Variants in PALM2AKAP2 observed in about 807,000 individuals in gnomAD.
The protein encoded by PALM2AKAP2 is PALM2-AKAP2 fusion protein.
A neutral mutation model predicts 71.5 loss-of-function variants in PALM2AKAP2; 37 were observed. That is an observed-to-expected ratio of 0.52 (90% CI 0.40 to 0.68). The LOEUF (loss-of-function observed/expected upper bound fraction) is 0.68, where lower values mean the gene tolerates loss of function less well. Among genes scored for constraint, PALM2AKAP2 ranks in the 30% least tolerant of loss-of-function variants. The pLI, the probability that PALM2AKAP2 is intolerant of heterozygous loss-of-function variation, is 0.00. For synonymous variants in PALM2AKAP2, 468 were observed against 478.8 expected, an observed-to-expected ratio of 0.98 and a Z score of 0.29; for missense variants, 1,224 against 1,191.8, an observed-to-expected ratio of 1.03 and a Z score of -0.40.
chr9:109,655,535 C>G (rs975313887), intron 1 of PALM2AKAP2, among the ~76,000 whole-genome samples: 1 of 152,066 alleles, frequency 6.6e-6, no homozygotes, highest in Admixed American at 6.6e-5. Context: ...GCAATCATCA[C>G]CATTTCCAGA....
At chr9:109,797,594 A>G (rs10739284) in intron 1 of PALM2AKAP2, among the ~76,000 whole-genome samples, 27,240 of 152,210 alleles carry the variant, frequency 0.18, 2,847 homozygotes, top group East Asian at 0.34. Context: ...CACCCACCAC[A>G]TGCACCAGCT....
intron 1 of PALM2AKAP2, among the ~76,000 whole-genome samples, chr9:109,669,521 A>G (rs1381008226): frequency 6.6e-6 from 1 of 151,920 alleles, no homozygotes; most frequent in African/African-American, 2.4e-5. Context: ...TTGAAGTGCT[A>G]TTGTTTCTTC....
intron 1 of PALM2AKAP2, among the ~76,000 whole-genome samples, chr9:109,813,726 A>G (rs1827782318): frequency 6.6e-6 from 1 of 152,162 alleles, no homozygotes; most frequent in African/African-American, 2.4e-5. Flanking sequence ...ACTTCTCAAG[A>G]AGCCCATAAC....
chr9:110,159,728 T>C (rs1836549181), intron 3 of PALM2AKAP2, among the ~76,000 whole-genome samples: 1 of 152,104 alleles, frequency 6.6e-6, no homozygotes, highest in African/African-American at 2.4e-5. Flanking sequence ...AAGTTCAGTG[T>C]CCCCCGAGCC....
chr9:109,666,877 C>G (rs1242601336), intron 1 of PALM2AKAP2, among the ~76,000 whole-genome samples: 4 of 152,354 alleles, frequency 2.6e-5, no homozygotes, highest in African/African-American at 9.6e-5. Context: ...TAGATGTGTT[C>G]TGTGTGTGCA....
chr9:109,640,949 C>T (rs1827057332), intron 1 of PALM2AKAP2: 3 of 1,441,564 alleles, frequency 2.1e-6, no homozygotes, highest in Non-Finnish European at 1.8e-6. Flanking sequence ...AGATCCCGCT[C>T]GGGTCCGCGT....
chr9:109,873,930 T>C (rs1409910967), intron 2 of PALM2AKAP2, among the ~76,000 whole-genome samples: 1 of 152,016 alleles, frequency 6.6e-6, no homozygotes, highest in African/African-American at 2.4e-5. Context: ...CATTTGAACC[T>C]AGGAATTCGA....
intron 1 of PALM2AKAP2, among the ~76,000 whole-genome samples, chr9:109,655,255 G>A (rs566407355): frequency 5.8e-4 from 86 of 147,522 alleles, no homozygotes; most frequent in African/African-American, 2.1e-3. Flanking sequence ...AGCCGAGATC[G>A]GCCACTGCAC....
chr9:109,841,570 A>G (rs923141288), intron 1 of PALM2AKAP2, among the ~76,000 whole-genome samples: 11 of 4,270 alleles, frequency 2.6e-3, no homozygotes, highest in East Asian at 4.8e-3. Context: ...GGGGATGGAG[A>G]GGAGGGTGGA....
intron 7 of PALM2AKAP2, among the ~76,000 whole-genome samples, chr9:110,043,464 C>G (rs1002577176): frequency 2.6e-5 from 4 of 152,072 alleles, no homozygotes; most frequent in African/African-American, 9.7e-5. Flanking sequence ...AGAGTTATCA[C>G]CAAATTATCT....
At chr9:109,941,959 G>C (rs1831380933) in intron 6 of PALM2AKAP2, among the ~76,000 whole-genome samples, 1 of 152,194 alleles carries the variant, frequency 6.6e-6, no homozygotes, top group South Asian at 2.1e-4. Flanking sequence ...ACAACAGATG[G>C]GAAAGGTATT....
chr9:109,849,237 G>A (rs1389394472), intron 1 of PALM2AKAP2, among the ~76,000 whole-genome samples: 1 of 151,950 alleles, frequency 6.6e-6, no homozygotes, highest in Non-Finnish European at 1.5e-5. Flanking sequence ...ATCTTGCAAA[G>A]ATCAAATGCA....
At chr9:109,844,805 G>T (rs1228859218) in intron 1 of PALM2AKAP2, among the ~76,000 whole-genome samples, 2 of 152,152 alleles carry the variant, frequency 1.3e-5, no homozygotes, top group Admixed American at 6.5e-5. Flanking sequence ...GGATGTCAGC[G>T]AGAAGGAAGC....
At chr9:109,691,877 CACACATAT>C (rs1191753223) in intron 1 of PALM2AKAP2, among the ~76,000 whole-genome samples, 2 of 49,468 alleles carry the variant, frequency 4.0e-5, no homozygotes, top group African/African-American at 6.6e-5. Flanking sequence ...TACACACACA[CACACATAT>C]ATATATATAT....
At chr9:109,749,007 C>T (rs1286962378) in intron 1 of PALM2AKAP2, among the ~76,000 whole-genome samples, 1 of 152,194 alleles carries the variant, frequency 6.6e-6, no homozygotes, top group African/African-American at 2.4e-5. Context: ...TCTCCAAATA[C>T]AGTCACATTC....
At chr9:110,114,856 G>A (rs770791555) in intron 1 of PALM2AKAP2, among the ~76,000 whole-genome samples, 1 of 152,136 alleles carries the variant, frequency 6.6e-6, no homozygotes, top group Non-Finnish European at 1.5e-5. Flanking sequence ...CAACCATCCG[G>A]CTGTGCTCCT....
rs138723635 is a variant in PALM2AKAP2 at position 110,007,681 on chromosome 9, T to C, written c.497-8273T>C. Among the ~76,000 whole-genome samples the C allele has an allele frequency of 5.3e-5, 8 of 152,282 alleles. No individual in the cohort carries two copies. In the East Asian group the frequency reaches 1.5e-3, roughly 29 times the overall value. ...TTTCTGAGATGCCACTGTAGGGAAC[T>C]GAAAGGAACTTTCCCTTTCACCCTG... is the stretch of plus-strand genomic sequence containing the variant. On this transcript the variant is annotated intron_variant, in intron 6 of 9. Transcript: ENST00000302798.
intron 7 of PALM2AKAP2, among the ~76,000 whole-genome samples, chr9:110,032,430 C>T (rs957702613): frequency 7.2e-5 from 11 of 152,174 alleles, no homozygotes; most frequent in South Asian, 2.1e-4. Flanking sequence ...CGGTGGCTTA[C>T]GCCTGTAATC....
chr9:110,139,783 G>A (rs962051222), intron 2 of PALM2AKAP2, among the ~76,000 whole-genome samples: 2 of 152,182 alleles, frequency 1.3e-5, no homozygotes, highest in African/African-American at 4.8e-5. Context: ...TCATTTGAGA[G>A]TAAATTGCCA....
Sources: allele counts gnomAD v4.1 joint callset (sites outside exome capture counted in the v4.1 genomes callset), GRCh38; gene constraint gnomAD v4.1.1; transcripts MANE v1.5; gene names NCBI Gene and HGNC (gene_info 2026-07-23, HGNC 2026-07-21).